Variants in LRPPRC observed in about 807,000 individuals in gnomAD.
LRPPRC encodes the protein leucine rich pentatricopeptide repeat containing.
A neutral mutation model predicts 180.3 loss-of-function variants in LRPPRC; 120 were observed. That is an observed-to-expected ratio of 0.67 (90% CI 0.57 to 0.77). The LOEUF is 0.77. Ranked by LOEUF, LRPPRC falls within the 30% of genes least tolerant of loss-of-function variation. The probability of loss-of-function intolerance (pLI) is 0.00; values close to 1 mark genes in which losing one functional copy is unlikely to be tolerated. For synonymous variants in LRPPRC, 723 were observed against 600.0 expected, an observed-to-expected ratio of 1.21 and a Z score of -3.00; for missense variants, 2,012 against 1,657.2, an observed-to-expected ratio of 1.21 and a Z score of -3.72.
At chr2:43,966,444 CTTG>C (rs1167511610) in intron 11 of LRPPRC, among the ~76,000 whole-genome samples, 3 of 150,070 alleles carry the variant, frequency 2.0e-5, no homozygotes, top group South Asian at 4.2e-4. Context: ...GAGTTTCGCT[CTTG>C]TTGTGCAAGC....
At chr2:43,988,065 C>A (rs980288265) in intron 1 of LRPPRC, among the ~76,000 whole-genome samples, 10 of 151,904 alleles carry the variant, frequency 6.6e-5, no homozygotes, top group African/African-American at 2.4e-4. Flanking sequence ...ACATGTGAAA[C>A]CCCATCTCTA....
intron 30 of LRPPRC, among the ~76,000 whole-genome samples, chr2:43,910,495 A>C (rs1671218016): frequency 6.6e-6 from 1 of 152,166 alleles, no homozygotes; most frequent in Non-Finnish European, 1.5e-5. Context: ...TTGGCCTCCG[A>C]AAGTGTTGGG....
intron 7 of LRPPRC, 137 bp from the exon 8 acceptor site, chr2:43,974,895 A>G: frequency 1.0e-6 from 1 of 996,596 alleles, no homozygotes; most frequent in East Asian, 2.6e-5. Flanking sequence ...AAAAAACAGG[A>G]AATACTCTAC....
chr2:43,946,434 T>C (rs1319548035), intron 20 of LRPPRC, among the ~76,000 whole-genome samples, 191 bp from the exon 21 acceptor site: 2 of 152,000 alleles, frequency 1.3e-5, no homozygotes, highest in South Asian at 2.1e-4. Context: ...CTTACACGTG[T>C]AGGGGTTAAA....
At chr2:43,974,798 G>A in intron 7 of LRPPRC, 40 bp from the exon 8 acceptor site, 1 of 1,592,786 alleles carries the variant, frequency 6.3e-7, no homozygotes, top group Non-Finnish European at 8.6e-7. Flanking sequence ...AAGTTAGAGT[G>A]TTTTTATTTA....
chr2:43,891,610 T>G (rs1670495474), intron 36 of LRPPRC, among the ~76,000 whole-genome samples: 1 of 152,220 alleles, frequency 6.6e-6, no homozygotes, highest in Non-Finnish European at 1.5e-5. Flanking sequence ...AGAAACGTGT[T>G]CTGACTGCGA....
At chr2:43,939,872 TG>T (rs1672417245) in intron 23 of LRPPRC, among the ~76,000 whole-genome samples, 1 of 152,232 alleles carries the variant, frequency 6.6e-6, no homozygotes, top group Middle Eastern at 3.2e-3. Context: ...GAGTCTAAAC[TG>T]GAAGTCGGTG....
intron 31 of LRPPRC, chr2:43,904,056 C>A (rs1670979820): frequency 6.6e-6 from 1 of 152,200 alleles, no homozygotes; most frequent in Non-Finnish European, 1.5e-5. Context: ...AATTCTCCCA[C>A]CTCTGCCTCC....
At chr2:43,949,709 C>A (rs760757856) in intron 15 of LRPPRC, 50 bp from the exon 16 acceptor site, 34 of 1,160,598 alleles carry the variant, frequency 2.9e-5, no homozygotes, top group Non-Finnish European at 5.2e-6. Context: ...CAAACAAGAA[C>A]AAACACAATC....
chr2:43,934,094 T>A (rs1672185584), intron 25 of LRPPRC, 96 bp downstream of exon 25: 1 of 729,370 alleles, frequency 1.4e-6, no homozygotes, highest in Non-Finnish European at 2.5e-6. Flanking sequence ...TTAACATGAA[T>A]CAGAACAAGT....
intron 2 of LRPPRC, among the ~76,000 whole-genome samples, chr2:43,981,933 T>G (rs909779878): frequency 2.0e-5 from 3 of 151,962 alleles, no homozygotes; most frequent in African/African-American, 7.2e-5. Flanking sequence ...TAAAGACAGA[T>G]GTCTCTCTCT....
chr2:43,974,469 AT>A (rs1009507297), intron 8 of LRPPRC, 144 bp downstream of exon 8: 6 of 798,138 alleles, frequency 7.5e-6, no homozygotes, highest in Middle Eastern at 3.4e-4. Context: ...TCATTAACTC[AT>A]GTTTTTGGGC....
intron 2 of LRPPRC, among the ~76,000 whole-genome samples, chr2:43,980,692 A>G (rs935102627): frequency 6.6e-6 from 1 of 152,206 alleles, no homozygotes; most frequent in Non-Finnish European, 1.5e-5. Context: ...CCCTCTCCCT[A>G]TATCTGTAAG....
chr2:43,956,772 C>T (rs1237800950), intron 14 of LRPPRC, among the ~76,000 whole-genome samples: 2 of 152,076 alleles, frequency 1.3e-5, no homozygotes, highest in Admixed American at 1.3e-4. Context: ...CACCGGTAGT[C>T]CCAGCTACTC....
chr2:43,889,195 A>G (rs561286385), intron 37 of LRPPRC, among the ~76,000 whole-genome samples: 1 of 151,470 alleles, frequency 6.6e-6, no homozygotes, highest in East Asian at 2.0e-4. Flanking sequence ...GGCCCCTGTA[A>G]TCCCAGCTAC....
chr2:43,916,949 GGAAA>G (rs1367697417), intron 29 of LRPPRC, among the ~76,000 whole-genome samples: 4 of 115,812 alleles, frequency 3.5e-5, no homozygotes, highest in African/African-American at 1.1e-4. Flanking sequence ...GTCTCCGGGG[GGAAA>G]AAAAAAAAAA....
intron 25 of LRPPRC, among the ~76,000 whole-genome samples, chr2:43,927,279 T>A (rs1671912867): frequency 6.6e-6 from 1 of 152,228 alleles, no homozygotes; most frequent in Non-Finnish European, 1.5e-5. Flanking sequence ...GTCCTCATTA[T>A]TTTTAATTTT....
At chr2:43,918,721 A>T (rs1167763882) in intron 27 of LRPPRC, among the ~76,000 whole-genome samples, 1 of 150,706 alleles carries the variant, frequency 6.6e-6, no homozygotes, top group Non-Finnish European at 1.5e-5. Context: ...CCGAAATCAA[A>T]ATCAGAAACA....
chr2:43,989,803 G>T (rs910240002), intron 1 of LRPPRC, among the ~76,000 whole-genome samples: 3 of 152,224 alleles, frequency 2.0e-5, no homozygotes, highest in Admixed American at 2.0e-4. Flanking sequence ...ATCTGGAGTT[G>T]AATCTCAACT....
Sources: allele counts gnomAD v4.1 joint callset (sites outside exome capture counted in the v4.1 genomes callset), GRCh38; gene constraint gnomAD v4.1.1; transcripts MANE v1.5; gene names NCBI Gene and HGNC (gene_info 2026-07-23, HGNC 2026-07-21).